PCDHA3: variants seen among roughly 807,000 people sequenced by gnomAD.
PCDHA3 encodes protocadherin alpha-3.
Under a neutral mutation model 62.2 loss-of-function variants are expected in PCDHA3, and 41 were observed. That is an observed-to-expected ratio of 0.66 (90% confidence interval 0.51 to 0.86). The LOEUF (loss-of-function observed/expected upper bound fraction) is 0.86. PCDHA3 is among the 40% of genes least tolerant of loss of function. The pLI, the probability that PCDHA3 is intolerant of heterozygous loss-of-function variation, is 0.00. For synonymous variants in PCDHA3, 640 were observed against 555.4 expected, an observed-to-expected ratio of 1.15 and a Z score of -2.14; for missense variants, 1,304 against 1,241.2, an observed-to-expected ratio of 1.05 and a Z score of -0.76.
chr5:140,840,817 C>T (rs1422232698), intron 1 of PCDHA3, among the ~76,000 whole-genome samples: 1 of 152,040 alleles, frequency 6.6e-6, no homozygotes, highest in Non-Finnish European at 1.5e-5. Context: ...ACCAGTGTTT[C>T]TGGTGACCAA....
chr5:140,849,764 G>A, intron 1 of PCDHA3: 1 of 1,598,518 alleles, frequency 6.3e-7, no homozygotes, highest in South Asian at 1.1e-5. Context: ...CCTACGAGCT[G>A]GTGGTTACCG....
intron 1 of PCDHA3, among the ~76,000 whole-genome samples, chr5:140,886,040 C>T (rs533442744): frequency 9.2e-5 from 14 of 152,118 alleles, no homozygotes; most frequent in Non-Finnish European, 1.9e-4. Context: ...AAGTTTTCCC[C>T]AATAGTAACA....
intron 1 of PCDHA3, chr5:140,855,801 TGAAA>T: frequency 4.2e-6 from 2 of 474,526 alleles, no homozygotes; most frequent in Non-Finnish European, 7.5e-6. Context: ...AACATATGAA[TGAAA>T]GAAAAGTTGT....
intron 1 of PCDHA3, among the ~76,000 whole-genome samples, chr5:140,839,867 G>C (rs996407179): frequency 6.6e-6 from 1 of 151,988 alleles, no homozygotes; most frequent in African/African-American, 2.4e-5. Flanking sequence ...GGTGGACTTT[G>C]AAAGATGAAT....
chr5:140,829,369 C>G, intron 1 of PCDHA3: 1 of 1,614,202 alleles, frequency 6.2e-7, no homozygotes, highest in Non-Finnish European at 8.5e-7. Flanking sequence ...TGGTGGTAAC[C>G]GCGCGGGACG....
At chr5:140,836,630 A>G in intron 1 of PCDHA3, 3 of 1,613,502 alleles carry the variant, frequency 1.9e-6, no homozygotes, top group South Asian at 1.1e-5. Flanking sequence ...GGAGCTGGTC[A>G]TTCTCCCAGC....
intron 1 of PCDHA3, among the ~76,000 whole-genome samples, chr5:140,917,311 G>T (rs2078013594): frequency 6.7e-6 from 1 of 148,748 alleles, no homozygotes; most frequent in Non-Finnish European, 1.5e-5. Flanking sequence ...GTTACAATTT[G>T]GTGTTCATGT....
In PCDHA3 at chr5:141,010,363, G is replaced by A; in HGVS notation, c.*426G>A. On this transcript the variant is annotated 3_prime_UTR_variant, in exon 4 of 4. Coordinates refer to ENST00000522353, the MANE Select transcript of PCDHA3 (RefSeq NM_018906.3). ...CACTGGGTATGTGTGGCTACCGCGG[G>A]TATGCGAGTGCCAGATATTGGCTGA... 7 of 1,480,446 alleles carry A rather than the reference G, an allele frequency of 4.7e-6. No homozygotes were observed. The highest frequency in any genetic ancestry group is 5.4e-6 in the Non-Finnish European group (6 of 1,112,646). 91.7% of individuals were successfully genotyped at this position (1,480,446 alleles called of 1,614,324 possible). A position where few individuals can be genotyped will look rare whatever the true frequency, so the allele number is the denominator to read the frequency against.
intron 1 of PCDHA3, among the ~76,000 whole-genome samples, chr5:140,951,465 C>G (rs1304466995): frequency 1.3e-5 from 2 of 151,966 alleles, no homozygotes; most frequent in Non-Finnish European, 2.9e-5. Context: ...TGCTTGGCTT[C>G]TGGGGAGCCT....
intron 1 of PCDHA3, among the ~76,000 whole-genome samples, chr5:140,896,874 A>G (rs1009285499): frequency 1.3e-5 from 2 of 152,102 alleles, no homozygotes; most frequent in Non-Finnish European, 2.9e-5. Flanking sequence ...GTACATATTT[A>G]TGGGGTATAT....
Position 140,823,575 on chromosome 5 carries a change from G to A in PCDHA3, c.2394+19984G>A, listed in dbSNP as rs2150127056. ...AGGTGCGCGCAGTGGACCCTGATTC[G>A]GGCTACAACGCTTGGCTTTCGTATG... On this transcript the variant is annotated intron_variant, in intron 1 of 3. Transcript: ENST00000522353. 4 of 1,613,974 alleles carry A rather than the reference G, an allele frequency of 2.5e-6. No homozygotes were observed. The South Asian group carries it at 4.4e-5, about 18-fold the overall frequency.
At chr5:140,836,216 G>A in intron 1 of PCDHA3, 1 of 1,613,840 alleles carries the variant, frequency 6.2e-7, no homozygotes, top group Non-Finnish European at 8.5e-7. Flanking sequence ...CGTATGAGTT[G>A]CAACCGGTGG....
chr5:140,882,209 A>T, intron 1 of PCDHA3: 1 of 1,531,724 alleles, frequency 6.5e-7, no homozygotes, highest in Non-Finnish European at 8.8e-7. Context: ...GCCTTGAGAG[A>T]CAGTTTGAGG....
chr5:140,910,171 T>C (rs186096076), intron 1 of PCDHA3, among the ~76,000 whole-genome samples: 22 of 152,340 alleles, frequency 1.4e-4, no homozygotes, highest in Admixed American at 1.2e-3. Flanking sequence ...TGATCCTCTG[T>C]TTTTATAATT....
intron 1 of PCDHA3, chr5:140,843,311 A>T: frequency 6.3e-7 from 1 of 1,595,942 alleles, no homozygotes; most frequent in Non-Finnish European, 8.6e-7. Flanking sequence ...CGCCACGGCC[A>T]CGGTTCTGGT....
rs959323631 is a variant in PCDHA3 at position 140,967,718 on chromosome 5, C to A, written c.2395-11231C>A. The A allele has an allele frequency of 8.7e-6, 14 of 1,614,106 alleles. 1 individual carries two copies. The South Asian group carries it at 1.5e-4, about 18-fold the overall frequency. ...CATAGATGCCAGTACCGGGGAAGTG[C>A]GAGTAATTGGGGGGCTGGATTATGA... On this transcript the variant is annotated intron_variant, in intron 1 of 3. Transcript: ENST00000522353.
chr5:140,874,010 T>C (rs1002287481), intron 1 of PCDHA3, among the ~76,000 whole-genome samples: 7 of 152,208 alleles, frequency 4.6e-5, no homozygotes, highest in Non-Finnish European at 8.8e-5. Context: ...TTGACCACTT[T>C]TGAAAATGAA....
chr5:140,884,339 G>C, intron 1 of PCDHA3: 1 of 1,613,906 alleles, frequency 6.2e-7, no homozygotes, highest in African/African-American at 1.3e-5. Flanking sequence ...GGGTCCAGAA[G>C]CGGCGCTGGT....
chr5:140,803,354 T>A lies in PCDHA3; in HGVS notation c.2157T>A (p.Thr719=). 1 of 1,614,184 alleles carries A rather than the reference T, an allele frequency of 6.2e-7. No individual in the cohort carries two copies. The highest frequency in any genetic ancestry group is 1.1e-5 in the South Asian group (1 of 91,086). The change falls in exon 1 of 4, where the codon ACT becomes ACA. Residue 719 remains threonine (T), a synonymous_variant. Transcript: ENST00000522353. The part of the protein sequence containing the change: ...SLLVLTLLLY[T]ALRCSAPPTE... ...TGGTGCTCACACTGCTGCTATATAC[T>A]GCTCTGCGGTGCTCCGCGCCGCCAA...
Sources: allele counts gnomAD v4.1 joint callset (sites outside exome capture counted in the v4.1 genomes callset), GRCh38; gene constraint gnomAD v4.1.1; transcripts MANE v1.5; gene names NCBI Gene and HGNC (gene_info 2026-07-23, HGNC 2026-07-21).